SLC38A12: variants seen among roughly 807,000 people sequenced by gnomAD.
SLC38A12 encodes the protein putative sodium-coupled neutral amino acid transporter 12.
At chr17:74,779,940 A>C in the SLC38A12 span, among the ~76,000 whole-genome samples, 1 of 152,256 alleles carries the variant, frequency 6.6e-6, no homozygotes, top group South Asian at 2.1e-4. Flanking sequence ...GTAGTGCTGA[A>C]CACGGGAACG....
chr17:74,838,062 A>G, the SLC38A12 span: 50 of 985,724 alleles, frequency 5.1e-5, no homozygotes, highest in Admixed American at 6.1e-5. Flanking sequence ...CCGGGGCCCA[A>G]GGTGGTCTCA....
At chr17:74,834,978 T>C in the SLC38A12 span, among the ~76,000 whole-genome samples, 1 of 152,214 alleles carries the variant, frequency 6.6e-6, no homozygotes, top group Admixed American at 6.5e-5. Flanking sequence ...CCCTTGTCCC[T>C]GCGGTGCGCA....
the SLC38A12 span, among the ~76,000 whole-genome samples, chr17:74,808,499 C>G: frequency 6.6e-6 from 1 of 152,190 alleles, no homozygotes; most frequent in African/African-American, 2.4e-5. Flanking sequence ...CCTGGGCACT[C>G]TGGTAGTGCC....
At chr17:74,829,978 T>C in the SLC38A12 span, among the ~76,000 whole-genome samples, 3 of 152,152 alleles carry the variant, frequency 2.0e-5, no homozygotes, top group African/African-American at 7.2e-5. This position sits in a 1 kb window ranked among gnomAD's most constrained non-coding sequence, Gnocchi z 4.1. Flanking sequence ...CCAGCCCTTA[T>C]GTTGATGCCC....
the SLC38A12 span, among the ~76,000 whole-genome samples, chr17:74,810,070 TGGC>T: frequency 6.6e-6 from 1 of 152,226 alleles, no homozygotes; most frequent in African/African-American, 2.4e-5. Context: ...CCTTCACTTT[TGGC>T]TCATGATTGC....
At chr17:74,829,701 T>C in the SLC38A12 span, among the ~76,000 whole-genome samples, 1 of 152,122 alleles carries the variant, frequency 6.6e-6, no homozygotes, top group African/African-American at 2.4e-5. This position sits in a 1 kb window ranked among gnomAD's most constrained non-coding sequence, Gnocchi z 4.1. Context: ...GAAAGCTTCA[T>C]GTGTGCCCCC....
the SLC38A12 span, among the ~76,000 whole-genome samples, chr17:74,779,230 G>A: frequency 6.6e-6 from 1 of 152,162 alleles, no homozygotes; most frequent in African/African-American, 2.4e-5. Flanking sequence ...GTTGTTTAAG[G>A]GGTCCTCTCA....
the SLC38A12 span, among the ~76,000 whole-genome samples, chr17:74,799,030 TC>T: frequency 1 from 152,257 of 152,258 alleles, 76,128 homozygotes; most frequent in Non-Finnish European, 1. Context: ...TGTGTCACTC[TC>T]CCCCTGGGAT....
chr17:74,799,666 A>C, the SLC38A12 span, among the ~76,000 whole-genome samples: 3 of 152,192 alleles, frequency 2.0e-5, no homozygotes, highest in Non-Finnish European at 4.4e-5. Flanking sequence ...TTGACACCGG[A>C]AGGGTCAAGG....
the SLC38A12 span, among the ~76,000 whole-genome samples, chr17:74,800,955 T>C: frequency 6.6e-6 from 1 of 152,074 alleles, no homozygotes; most frequent in East Asian, 1.9e-4. Flanking sequence ...CTGTCAAGAG[T>C]GTCCCTTCCT....
chr17:74,789,841 G>A, the SLC38A12 span, among the ~76,000 whole-genome samples: 8 of 97,884 alleles, frequency 8.2e-5, no homozygotes, highest in East Asian at 2.8e-4. Flanking sequence ...GCAAAACTTC[G>A]TCTCAAAAAA....
At chr17:74,810,323 A>G in the SLC38A12 span, among the ~76,000 whole-genome samples, 3 of 152,198 alleles carry the variant, frequency 2.0e-5, no homozygotes, top group African/African-American at 7.2e-5. Context: ...CATCATGTGA[A>G]TCTTTCAAAC....
chr17:74,777,280 C>T, the SLC38A12 span: 21 of 1,610,266 alleles, frequency 1.3e-5, no homozygotes, highest in South Asian at 1.9e-4. Context: ...CGGCAGCCGC[C>T]GTCCTTGCAC....
chr17:74,785,673 G>T, the SLC38A12 span: 1 of 1,559,822 alleles, frequency 6.4e-7, no homozygotes, highest in South Asian at 1.2e-5. Context: ...CAGGAAGCCC[G>T]AACATGAGGG....
the SLC38A12 span, among the ~76,000 whole-genome samples, chr17:74,817,538 C>G: frequency 2.7e-4 from 41 of 152,318 alleles, no homozygotes; most frequent in African/African-American, 8.4e-4. Flanking sequence ...AGTGGCACCT[C>G]ACACATACCA....
the SLC38A12 span, among the ~76,000 whole-genome samples, chr17:74,790,676 C>T: frequency 2.6e-5 from 4 of 151,698 alleles, no homozygotes; most frequent in African/African-American, 9.7e-5. Flanking sequence ...CATGTTCATA[C>T]ATGCCCCTGC....
At chr17:74,815,982 C>G in the SLC38A12 span, among the ~76,000 whole-genome samples, 1 of 152,184 alleles carries the variant, frequency 6.6e-6, no homozygotes, top group Non-Finnish European at 1.5e-5. Flanking sequence ...AACAGGCCCC[C>G]GTGAGGCTGC....
the SLC38A12 span, chr17:74,819,845 T>A: frequency 1.2e-6 from 2 of 1,613,186 alleles, no homozygotes; most frequent in Non-Finnish European, 1.7e-6. Flanking sequence ...GATGGATCGG[T>A]GAGTCTGAGA....
At chr17:74,790,170 C>G in the SLC38A12 span, 3 of 1,575,710 alleles carry the variant, frequency 1.9e-6, no homozygotes, top group Non-Finnish European at 2.6e-6. Flanking sequence ...GTTTTCCTCC[C>G]TCCTCCTCGT....
Sources: gnomAD v4.1 joint callset for allele counts (sites outside exome capture counted in the v4.1 genomes callset) on GRCh38, gnomAD v4.1.1 for gene constraint, Gnocchi (gnomAD v3.1) non-coding constraint, MANE v1.5 for transcripts, NCBI Gene and HGNC (gene_info 2026-07-23, HGNC 2026-07-21) for gene names.